Variants in DLG2 observed in about 807,000 individuals in gnomAD.
DLG2 encodes the protein disks large homolog 2.
A neutral mutation model predicts 132.5 loss-of-function variants in DLG2; 45 were observed. That is an observed-to-expected ratio of 0.34 (90% confidence interval 0.27 to 0.44). DLG2 has a LOEUF of 0.44. DLG2 is among the 20% of genes least tolerant of loss of function. The probability of loss-of-function intolerance (pLI) is 1.00; values close to 1 mark genes in which losing one functional copy is unlikely to be tolerated. For synonymous variants in DLG2, 424 were observed against 419.6 expected (o/e 1.01, Z -0.13); for missense variants, 1,045 against 1,196.9 (o/e 0.87, Z 1.87).
At chr11:84,410,333 A>G (rs1414301392) in intron 7 of DLG2, among the ~76,000 whole-genome samples, 2 of 151,604 alleles carry the variant, frequency 1.3e-5, no homozygotes, top group South Asian at 2.1e-4. Context: ...CTTCAACCCC[A>G]CTCCCCATGA....
At chr11:84,140,212 T>C (rs2094782936) in intron 9 of DLG2, among the ~76,000 whole-genome samples, 4 of 152,156 alleles carry the variant, frequency 2.6e-5, no homozygotes, top group Admixed American at 2.0e-4. Context: ...GAGTGACCCT[T>C]GGGAACCCAT....
At chr11:83,612,215 G>A (rs1430779517) in intron 19 of DLG2, among the ~76,000 whole-genome samples, 1 of 152,208 alleles carries the variant, frequency 6.6e-6, no homozygotes, top group African/African-American at 2.4e-5. Context: ...CACTAGAGCA[G>A]AGTAACAGAG....
chr11:84,259,136 G>A (rs1457850171), intron 7 of DLG2, among the ~76,000 whole-genome samples: 1 of 151,954 alleles, frequency 6.6e-6, no homozygotes, highest in Non-Finnish European at 1.5e-5. Flanking sequence ...GCCGGGCATG[G>A]GGGTGGGTGC....
At chr11:83,598,044 T>A (rs530283305) in intron 19 of DLG2, among the ~76,000 whole-genome samples, 1 of 152,188 alleles carries the variant, frequency 6.6e-6, no homozygotes, top group Non-Finnish European at 1.5e-5. Context: ...ATGCTCCCTA[T>A]TTTAGTCTAC....
At chr11:84,243,017 C>CTCTCTCTCTCTCTCTCTCTATA (rs542476924) in intron 8 of DLG2, among the ~76,000 whole-genome samples, 93 of 142,188 alleles carry the variant, frequency 6.5e-4, no homozygotes, top group South Asian at 2.3e-4. Context: ...CTCTCTCTCT[C>CTCTCTCTCTCTCTCTCTCTATA]TATATATATA....
At chr11:84,121,200 C>T (rs935070748) in intron 9 of DLG2, among the ~76,000 whole-genome samples, 3 of 152,218 alleles carry the variant, frequency 2.0e-5, no homozygotes, top group African/African-American at 7.2e-5. Flanking sequence ...AAAGGATTCA[C>T]AGCTATAATG....
chr11:83,936,199 C>G (rs1028827514), intron 14 of DLG2, among the ~76,000 whole-genome samples: 43 of 152,184 alleles, frequency 2.8e-4, no homozygotes, highest in African/African-American at 1.0e-3. Flanking sequence ...AGGGTTGAAC[C>G]AAGGAAGTAA....
chr11:83,983,388 A>C (rs983747795), intron 11 of DLG2, among the ~76,000 whole-genome samples: 3 of 152,048 alleles, frequency 2.0e-5, no homozygotes, highest in African/African-American at 7.2e-5. Flanking sequence ...AAAATAATAA[A>C]GCTATCATTA....
chr11:85,115,960 C>T (rs999069667), intron 5 of DLG2, among the ~76,000 whole-genome samples: 5 of 151,824 alleles, frequency 3.3e-5, no homozygotes, highest in African/African-American at 1.2e-4. Flanking sequence ...ATGGAAGGAC[C>T]CAGATCTGAT....
At chr11:84,067,266 G>A (rs1047807239) in intron 10 of DLG2, among the ~76,000 whole-genome samples, 4 of 151,628 alleles carry the variant, frequency 2.6e-5, no homozygotes, top group South Asian at 2.1e-4. Context: ...CACTGGAGGC[G>A]GGGGTTGCTG....
At chr11:84,548,086 G>A (rs545650376) in intron 6 of DLG2, among the ~76,000 whole-genome samples, 6 of 152,262 alleles carry the variant, frequency 3.9e-5, no homozygotes, top group Non-Finnish European at 2.9e-5. Flanking sequence ...AATTGTTCCA[G>A]CTTTGGGTAT....
chr11:84,514,522 A>G (rs1201478718), intron 7 of DLG2, among the ~76,000 whole-genome samples: 1 of 152,036 alleles, frequency 6.6e-6, no homozygotes, highest in East Asian at 1.9e-4. Flanking sequence ...GGAGGTCATT[A>G]TGTTAACTGA....
At chr11:84,082,598 T>C (rs2096920724) in intron 10 of DLG2, among the ~76,000 whole-genome samples, 1 of 152,240 alleles carries the variant, frequency 6.6e-6, no homozygotes. Context: ...TTTAATACTA[T>C]GACATGAGAT....
chr11:83,820,706 G>A (rs2050531364), intron 17 of DLG2, among the ~76,000 whole-genome samples: 1 of 152,100 alleles, frequency 6.6e-6, no homozygotes, highest in African/African-American at 2.4e-5. Context: ...CTTTTTTACT[G>A]ATTCACTGAT....
chr11:83,803,990 T>A (rs2045228723), intron 17 of DLG2, among the ~76,000 whole-genome samples: 1 of 152,160 alleles, frequency 6.6e-6, no homozygotes, highest in Non-Finnish European at 1.5e-5. Context: ...TGGGCTTATG[T>A]GTATCTTGGC....
intron 10 of DLG2, among the ~76,000 whole-genome samples, chr11:84,097,108 A>G (rs989972162): frequency 6.6e-6 from 1 of 152,196 alleles, no homozygotes; most frequent in African/African-American, 2.4e-5. Flanking sequence ...ACAGTCCTCA[A>G]TGTGGCTCCA....
At chr11:85,144,438 A>G (rs1210897510) in intron 5 of DLG2, among the ~76,000 whole-genome samples, 1 of 151,010 alleles carries the variant, frequency 6.6e-6, no homozygotes, top group African/African-American at 2.4e-5. Context: ...ATTGATAGGT[A>G]AGAACTTACT....
intron 6 of DLG2, among the ~76,000 whole-genome samples, chr11:85,024,238 A>G (rs1427539398): frequency 6.6e-6 from 1 of 152,200 alleles, no homozygotes; most frequent in Non-Finnish European, 1.5e-5. Context: ...GCTCTTCCTC[A>G]GCATTAGAAA....
chr11:83,728,933 T>A (rs1343259264), intron 18 of DLG2, among the ~76,000 whole-genome samples: 1 of 152,244 alleles, frequency 6.6e-6, no homozygotes, highest in Non-Finnish European at 1.5e-5. Context: ...AATATTGTTG[T>A]CCTGTTTTAT....
Sources: gnomAD v4.1 joint callset for allele counts (sites outside exome capture counted in the v4.1 genomes callset) on GRCh38, gnomAD v4.1.1 for gene constraint, MANE v1.5 for transcripts, NCBI Gene and HGNC (gene_info 2026-07-23, HGNC 2026-07-21) for gene names.